Variants in WWOX observed in about 807,000 individuals in gnomAD.
WWOX encodes the protein WW domain containing oxidoreductase.
A neutral mutation model predicts 46.2 loss-of-function variants in WWOX; 69 were observed. The observed-to-expected ratio is 1.49, with a 90% confidence interval of 1.23 to 1.82. WWOX has a LOEUF of 1.82. Ranked by LOEUF, WWOX falls within the 40% of genes most tolerant of loss-of-function variation. The pLI is 0.00. For missense variants in WWOX, 919 were observed against 542.6 expected, an observed-to-expected ratio of 1.69 and a Z score of -6.89; for synonymous variants, 359 against 202.6, an observed-to-expected ratio of 1.77 and a Z score of -6.56.
chr16:78,324,856 G>C (rs1466319316), intron 5 of WWOX, among the ~76,000 whole-genome samples: 1 of 152,114 alleles, frequency 6.6e-6, no homozygotes. Context: ...TGTGTTGGTT[G>C]CACAACTCTA....
At chr16:78,685,749 A>G (rs1314190154) in intron 8 of WWOX, among the ~76,000 whole-genome samples, 1 of 152,190 alleles carries the variant, frequency 6.6e-6, no homozygotes, top group African/African-American at 2.4e-5. Flanking sequence ...TTGGCTTGCC[A>G]AGGAGTAAGA....
intron 5 of WWOX, among the ~76,000 whole-genome samples, chr16:78,381,352 T>C (rs534397700): frequency 6.6e-6 from 1 of 152,160 alleles, no homozygotes; most frequent in Non-Finnish European, 1.5e-5. Flanking sequence ...GAAGAAGACT[T>C]AGTGTATTAA....
intron 8 of WWOX, among the ~76,000 whole-genome samples, chr16:78,697,139 G>A (rs1360426901): frequency 6.6e-6 from 1 of 152,204 alleles, no homozygotes; most frequent in African/African-American, 2.4e-5. Flanking sequence ...GTGCAAGTAT[G>A]TCTTTCATAT....
chr16:78,911,905 T>A (rs1279341488), intron 8 of WWOX, among the ~76,000 whole-genome samples: 5 of 151,956 alleles, frequency 3.3e-5, no homozygotes, highest in Non-Finnish European at 5.9e-5. Flanking sequence ...CTTCTATCAT[T>A]CTCAAGCTTA....
chr16:78,702,007 T>TTATATATATGTATA (rs1555519490), intron 8 of WWOX, among the ~76,000 whole-genome samples: 22 of 57,622 alleles, frequency 3.8e-4, no homozygotes, highest in African/African-American at 1.3e-3. Context: ...CTACATAAAA[T>TTATATATATGTATA]TATATATATA....
intron 8 of WWOX, among the ~76,000 whole-genome samples, chr16:78,712,521 T>A (rs551608955): frequency 1.0e-3 from 156 of 151,766 alleles, no homozygotes; most frequent in African/African-American, 3.6e-3. Flanking sequence ...AAAAGTCTTA[T>A]ATTGATTAAA....
At chr16:79,068,592 C>G (rs1261272533) in intron 8 of WWOX, among the ~76,000 whole-genome samples, 2 of 151,730 alleles carry the variant, frequency 1.3e-5, no homozygotes, top group African/African-American at 4.8e-5. Flanking sequence ...TCACTTGAGC[C>G]TAGGAGTTCG....
At chr16:78,817,887 G>T (rs963557411) in intron 8 of WWOX, among the ~76,000 whole-genome samples, 1 of 152,174 alleles carries the variant, frequency 6.6e-6, no homozygotes, top group Non-Finnish European at 1.5e-5. Flanking sequence ...CTTTAGAAAT[G>T]AGAAACCATC....
At chr16:78,597,781 A>T (rs11647552) in intron 8 of WWOX, among the ~76,000 whole-genome samples, 13,717 of 133,104 alleles carry the variant, frequency 0.1, 851 homozygotes, top group East Asian at 0.19. Context: ...TATATATATA[A>T]AATATATTTC....
intron 8 of WWOX, among the ~76,000 whole-genome samples, chr16:79,094,848 C>T (rs773645176): frequency 2.4e-4 from 36 of 152,044 alleles, no homozygotes; most frequent in Non-Finnish European, 5.0e-4. Context: ...TTTATTGAGC[C>T]AACAGGTTTA....
intron 5 of WWOX, among the ~76,000 whole-genome samples, chr16:78,329,171 T>G (rs1216243853): frequency 6.6e-6 from 1 of 152,148 alleles, no homozygotes; most frequent in Non-Finnish European, 1.5e-5. Context: ...TGCTGATATA[T>G]TTTTAATTAT....
chr16:78,733,352 G>A (rs1360068811), intron 8 of WWOX, among the ~76,000 whole-genome samples: 2 of 152,080 alleles, frequency 1.3e-5, no homozygotes, highest in Non-Finnish European at 2.9e-5. Flanking sequence ...CTTCCCAGAA[G>A]GTCAAGGCAG....
chr16:78,654,794 C>T (rs748365872), intron 8 of WWOX, among the ~76,000 whole-genome samples: 6 of 151,788 alleles, frequency 4.0e-5, no homozygotes, highest in Admixed American at 1.3e-4. Context: ...ATGAAACATA[C>T]TGTTGTTTTG....
At chr16:78,446,657 CTTTTT>C (rs5818138) in intron 8 of WWOX, among the ~76,000 whole-genome samples, 2,063 of 87,990 alleles carry the variant, frequency 0.023, 32 homozygotes, top group East Asian at 0.12. Flanking sequence ...CAAGTGTATA[CTTTTT>C]TTTTTTTTTT....
At chr16:78,313,435 T>G (rs1017276482) in intron 5 of WWOX, among the ~76,000 whole-genome samples, 2 of 152,176 alleles carry the variant, frequency 1.3e-5, no homozygotes, top group Non-Finnish European at 2.9e-5. Flanking sequence ...GGTACGATCT[T>G]AGCTCACCAC....
chr16:78,658,445 C>A (rs2047130857), intron 8 of WWOX, among the ~76,000 whole-genome samples: 1 of 152,280 alleles, frequency 6.6e-6, no homozygotes, highest in East Asian at 1.9e-4. Flanking sequence ...TGAAAACGTG[C>A]CATAGACTAG....
chr16:78,524,843 T>C (rs979436425), intron 8 of WWOX, among the ~76,000 whole-genome samples: 63 of 141,330 alleles, frequency 4.5e-4, no homozygotes, highest in Non-Finnish European at 7.0e-4. Context: ...TTTTAAAGAA[T>C]GCGTTGATTT....
chr16:78,465,536 GT>G (rs1177528289), intron 8 of WWOX, among the ~76,000 whole-genome samples: 23 of 152,306 alleles, frequency 1.5e-4, no homozygotes, highest in Non-Finnish European at 2.2e-4. Context: ...AAGTTAAAAT[GT>G]TGGGCAATGT....
intron 6 of WWOX, 119 bp downstream of exon 6, chr16:78,387,067 G>A: frequency 2.0e-6 from 2 of 1,008,052 alleles, no homozygotes. Flanking sequence ...CAAACAGGAG[G>A]CTCATTTATA....
Sources: allele counts gnomAD v4.1 joint callset (sites outside exome capture counted in the v4.1 genomes callset), GRCh38; gene constraint gnomAD v4.1.1; transcripts MANE v1.5; gene names NCBI Gene and HGNC (gene_info 2026-07-23, HGNC 2026-07-21).